TRMT2B: variants seen among roughly 807,000 people sequenced by gnomAD.
TRMT2B encodes tRNA (uracil-5-)-methyltransferase homolog B.
A neutral mutation model predicts 39.7 loss-of-function variants in TRMT2B; 34 were observed. The observed-to-expected ratio is 0.86, with a 90% CI of 0.65 to 1.14. The LOEUF (loss-of-function observed/expected upper bound fraction) is 1.14, where lower values mean the gene tolerates loss of function less well. TRMT2B is among the 50% of genes most tolerant of loss of function. The pLI, the probability that TRMT2B is intolerant of heterozygous loss-of-function variation, is 0.00. For synonymous variants in TRMT2B, 132 were observed against 137.3 expected (o/e 0.96, Z 0.27); for missense variants, 318 against 377.2 (o/e 0.84, Z 1.30).
chrX:101,028,140 C>T (rs1287422204), intron 7 of TRMT2B, among the ~76,000 whole-genome samples: 69 of 77,287 alleles, frequency 8.9e-4, no homozygotes, highest in African/African-American at 3.6e-3. Context: ...TTTTTTGAGA[C>T]GGAGTGTCGC....
downstream of TRMT2B, among the ~76,000 whole-genome samples, chrX:101,005,573 CTTTT>C (rs10567072): frequency 0.46 from 42,075 of 91,447 alleles, 7,908 homozygotes; most frequent in African/African-American, 0.65. Context: ...ATTCAGCTGC[CTTTT>C]TTTTTTTTTT....
intron 10 of TRMT2B, 73 bp downstream of exon 10, chrX:101,021,028 C>T (rs902601311): frequency 9.9e-6 from 10 of 1,010,977 alleles, no homozygotes; most frequent in East Asian, 6.1e-5. Context: ...TACCTCTCCC[C>T]GACCACCTCC....
chrX:100,981,507 T>A, the TRMT2B span, among the ~76,000 whole-genome samples: 1 of 109,580 alleles, frequency 9.1e-6, no homozygotes, highest in African/African-American at 3.3e-5. Flanking sequence ...TTCCTTGACA[T>A]GATGTTATAA....
chrX:101,017,002 G>C (rs915727715), intron 13 of TRMT2B, among the ~76,000 whole-genome samples: 3 of 110,937 alleles, frequency 2.7e-5, no homozygotes, highest in African/African-American at 9.8e-5. Context: ...GTGAAACCCT[G>C]TCTCTACTAA....
At chrX:101,029,466 C>T (rs1330965638) in intron 7 of TRMT2B, among the ~76,000 whole-genome samples, 1 of 111,045 alleles carries the variant, frequency 9.0e-6, no homozygotes, top group East Asian at 2.8e-4. Context: ...ATACTTCCTC[C>T]AGCCCCCACA....
chrX:100,987,334 G>A, the TRMT2B span: 87 of 1,147,055 alleles, frequency 7.6e-5, no homozygotes, highest in Middle Eastern at 2.7e-4. Context: ...CTGGTTCTGC[G>A]GGCCCCAGGG....
the TRMT2B span, chrX:100,988,332 G>A: frequency 1.7e-6 from 2 of 1,202,257 alleles, no homozygotes. Flanking sequence ...CCCTGAACAC[G>A]TGGGCACCAA....
At chrX:100,989,438 G>A in the TRMT2B span, among the ~76,000 whole-genome samples, 2 of 109,298 alleles carry the variant, frequency 1.8e-5, no homozygotes, top group South Asian at 4.0e-4. Flanking sequence ...GGTGAAACCC[G>A]GTCTCTACTA....
downstream of TRMT2B, among the ~76,000 whole-genome samples, chrX:101,009,049 G>T (rs775504815): frequency 1.7e-4 from 19 of 111,316 alleles, no homozygotes; most frequent in African/African-American, 4.2e-4. Context: ...GTTTTCCTGA[G>T]CCTCTCCTGT....
At chrX:101,001,291 A>C in the TRMT2B span, among the ~76,000 whole-genome samples, 1 of 110,920 alleles carries the variant, frequency 9.0e-6, no homozygotes, top group Non-Finnish European at 1.9e-5. Flanking sequence ...GCTGGAGTGC[A>C]GTGGTACAAT....
chrX:101,023,647 A>C, intron 7 of TRMT2B, 31 bp from the exon 8 acceptor site: 1 of 1,174,880 alleles, frequency 8.5e-7, no homozygotes, highest in Non-Finnish European at 1.2e-6. Flanking sequence ...TTACACAAGC[A>C]AAACTAGCAA....
chrX:100,991,351 T>G, the TRMT2B span, among the ~76,000 whole-genome samples: 3 of 103,884 alleles, frequency 2.9e-5, no homozygotes, highest in Non-Finnish European at 4.0e-5. Flanking sequence ...GAGTGCATTC[T>G]GGATGCCAGG....
intron 5 of TRMT2B, 92 bp downstream of exon 5, chrX:101,037,825 C>T: frequency 1.1e-6 from 1 of 919,853 alleles, no homozygotes; most frequent in African/African-American, 2.0e-5. Flanking sequence ...TAGCATAGGG[C>T]CTGGTCCCTA....
rs766009140 is a variant in TRMT2B, at chrX:101,023,461, G to A, written c.756+9C>T. 1.7e-6 allele frequency: 2 copies of A among 1,205,094 alleles called. No homozygotes were observed. The highest frequency in any genetic ancestry group is 3.0e-5 in the East Asian group (1 of 33,681). ...AAGTTAAGGTTGCTTAACATCTTGT[G>A]AGGCTCACCTGACTTAATTTCTGGG... On this transcript the variant is annotated intron_variant, in intron 8 of 13. Coordinates refer to ENST00000372936, the MANE Select transcript of TRMT2B (RefSeq NM_024917.6).
intron 13 of TRMT2B, among the ~76,000 whole-genome samples, chrX:101,014,984 G>GA (rs972648447): frequency 3.1e-4 from 31 of 101,158 alleles, no homozygotes; most frequent in East Asian, 1.5e-3. Flanking sequence ...CATCTCTTTA[G>GA]AAAAAAAAAA....
At position 101,023,618 on chromosome X, in the gene TRMT2B, T is replaced by TAGGAAGAGAACC; in HGVS notation, c.610-14_610-3dup. 5 of 1,192,315 alleles carry TAGGAAGAGAACC rather than the reference T, an allele frequency of 4.2e-6. No individual in the cohort carries two copies. Among genetic ancestry groups the TAGGAAGAGAACC allele is most frequent in the Non-Finnish European group, 4.5e-6 (4 of 881,088 alleles). On this transcript the variant is annotated splice_region_variant and splice_polypyrimidine_tract_variant and intron_variant, in intron 7 of 13. Transcript: ENST00000372936. Reference sequence around the variant, plus strand: ...CTGTCGAAGGAATACTTCATAGTACTAGGAAGAGAACCGAATTATTACACA... The same window carrying TAGGAAGAGAACC: ...CTGTCGAAGGAATACTTCATAGTACTAGGAAGAGAACCAGGAAGAGAACCGAATTATTACACA...
chrX:101,050,825 C>T (rs1356629806), intron 2 of TRMT2B, among the ~76,000 whole-genome samples: 5 of 110,758 alleles, frequency 4.5e-5, no homozygotes, highest in Non-Finnish European at 1.9e-5. Flanking sequence ...AGCCGGATCA[C>T]AAGGTCAGGA....
intron 13 of TRMT2B, among the ~76,000 whole-genome samples, chrX:101,011,975 T>C (rs756240032): frequency 1.2e-4 from 13 of 111,751 alleles, no homozygotes; most frequent in African/African-American, 4.2e-4. Context: ...ATGATAACAA[T>C]GCCTTCTTCT....
intron 4 of TRMT2B, among the ~76,000 whole-genome samples, chrX:101,039,935 C>T (rs5967233): frequency 0.045 from 4,874 of 109,012 alleles, 296 homozygotes; most frequent in African/African-American, 0.16. Flanking sequence ...ATGAATACTA[C>T]GATAAGGATA....
Sources: allele counts gnomAD v4.1 joint callset (sites outside exome capture counted in the v4.1 genomes callset), GRCh38; gene constraint gnomAD v4.1.1; transcripts MANE v1.5; gene names NCBI Gene and HGNC (gene_info 2026-07-23, HGNC 2026-07-21).